PTPRK: variants seen among roughly 807,000 people sequenced by gnomAD.
PTPRK encodes protein tyrosine phosphatase receptor type K.
A neutral mutation model predicts 178.0 loss-of-function variants in PTPRK; 75 were observed. The ratio of observed to expected loss-of-function variants is 0.42; its 90% CI spans 0.35 to 0.51. The LOEUF is 0.51. Among genes scored for constraint, PTPRK ranks in the 20% least tolerant of loss-of-function variants. PTPRK has a pLI of 0.02. For missense variants in PTPRK, 1,441 were observed against 1,797.8 expected (o/e 0.80, Z 3.59); for synonymous variants, 637 against 620.6 (o/e 1.03, Z -0.39).
chr6:128,148,635 G>T (rs1796830563), intron 7 of PTPRK, among the ~76,000 whole-genome samples: 1 of 152,050 alleles, frequency 6.6e-6, no homozygotes, highest in African/African-American at 2.4e-5. Context: ...TTCCTTAACA[G>T]GTTACAGATA....
chr6:128,145,794 C>G (rs1319795687), intron 7 of PTPRK, among the ~76,000 whole-genome samples: 1 of 152,258 alleles, frequency 6.6e-6, no homozygotes, highest in East Asian at 1.9e-4. Flanking sequence ...ACGTATCTTA[C>G]AGTTAGCATA....
At chr6:128,046,359 A>G (rs1408729524) in intron 13 of PTPRK, among the ~76,000 whole-genome samples, 1 of 152,098 alleles carries the variant, frequency 6.6e-6, no homozygotes, top group African/African-American at 2.4e-5. Context: ...AAGAGTGCTC[A>G]GGCACTCAGA....
intron 6 of PTPRK, among the ~76,000 whole-genome samples, chr6:128,209,764 G>A (rs75482044): frequency 0.033 from 5,027 of 152,172 alleles, 289 homozygotes; most frequent in African/African-American, 0.11. Context: ...AAGGAGCAGG[G>A]TGATTAGAAA....
chr6:128,395,077 T>A (rs1230325425), intron 2 of PTPRK, among the ~76,000 whole-genome samples: 1 of 152,148 alleles, frequency 6.6e-6, no homozygotes, highest in African/African-American at 2.4e-5. Flanking sequence ...AATAAAAAGA[T>A]CATAACATTT....
intron 7 of PTPRK, among the ~76,000 whole-genome samples, chr6:128,118,264 C>T (rs1016583818): frequency 1.3e-5 from 2 of 152,198 alleles, no homozygotes; most frequent in African/African-American, 4.8e-5. Flanking sequence ...TCACCGTGGA[C>T]TTACATGGTG....
intron 21 of PTPRK, among the ~76,000 whole-genome samples, chr6:127,988,287 T>C (rs1363587768): frequency 2.7e-5 from 4 of 148,044 alleles, no homozygotes; most frequent in Admixed American, 2.0e-4. Context: ...TCTGTTATCA[T>C]CATTATGCTA....
Position 127,995,354 on chromosome 6 carries a change from T to G in PTPRK, c.2844+108A>C, listed in dbSNP as rs569362384. On this transcript the variant is annotated intron_variant, in intron 18 of 29. Coordinates refer to ENST00000368226, the MANE Select transcript of PTPRK (RefSeq NM_002844.4). ...GCAGAACAAGGAAAAGTGTACAGTT[T>G]GTACTTTTATATTTTAAAAAGCTAG... 1.6e-5 allele frequency: 25 copies of G among 1,532,960 alleles called. No homozygotes were observed. In the South Asian group the frequency reaches 2.4e-4, roughly 15 times the overall value. The allele number at this position is 1,532,960 out of a possible 1,614,324, so 95.0% of individuals were successfully genotyped here.
In PTPRK at chr6:128,519,163, G is replaced by A. The variant is rs1166388747; in HGVS notation, c.100+1096C>T. 2 of 483,364 alleles carry A rather than the reference G, an allele frequency of 4.1e-6. No individual in the cohort carries two copies. The highest frequency in any genetic ancestry group is 2.0e-5 in the African/African-American group (1 of 50,596). The allele number at this position is 483,364 out of a possible 1,614,324, so 29.9% of individuals were successfully genotyped here. ...GAAGCTGGGTAGGTTGGCCAGAAAAGTTGTCAGGACTGGCGGGAGGTAGAC... is the reference window on the plus strand; with the variant it reads ...GAAGCTGGGTAGGTTGGCCAGAAAAATTGTCAGGACTGGCGGGAGGTAGAC... On this transcript the variant is annotated intron_variant, in intron 1 of 29. Coordinates refer to ENST00000368226, the MANE Select transcript of PTPRK (RefSeq NM_002844.4). This position sits in a 1 kb window ranked among gnomAD's most constrained non-coding sequence, Gnocchi z 4.3.
At chr6:127,973,252 T>G in intron 28 of PTPRK, 95 bp from the exon 29 acceptor site, 1 of 1,538,570 alleles carries the variant, frequency 6.5e-7, no homozygotes, top group Non-Finnish European at 8.8e-7. Context: ...GACATTGTAG[T>G]TTTAATTGTT....
chr6:128,222,761 A>G lies in PTPRK; in HGVS notation c.694-3665T>C, dbSNP rs140529188. ...ACTTTCTATTGTTTATGCATTGCCA[A>G]TATTGAATTTGCACTATCTTATCAA... On this transcript the variant is annotated intron_variant, in intron 5 of 29. Coordinates refer to ENST00000368226, the MANE Select transcript of PTPRK (RefSeq NM_002844.4). Among the ~76,000 whole-genome samples, 6 of 152,330 alleles carry G rather than the reference A, an allele frequency of 3.9e-5. No individual in the cohort carries two copies. In the East Asian group the frequency reaches 5.8e-4, roughly 15 times the overall value.
intron 11 of PTPRK, among the ~76,000 whole-genome samples, chr6:128,069,910 G>A (rs887118741): frequency 6.6e-6 from 1 of 152,038 alleles, no homozygotes; most frequent in African/African-American, 2.4e-5. Flanking sequence ...AGGCTCTTTG[G>A]GAAAGAGCCT....
intron 7 of PTPRK, among the ~76,000 whole-genome samples, chr6:128,123,316 T>C (rs902715438): frequency 6.6e-6 from 1 of 152,262 alleles, no homozygotes; most frequent in African/African-American, 2.4e-5. Flanking sequence ...AGAACTTTGA[T>C]AGAACAAGCT....
intron 7 of PTPRK, among the ~76,000 whole-genome samples, chr6:128,091,447 A>G (rs1023623398): frequency 5.3e-5 from 8 of 152,178 alleles, no homozygotes; most frequent in Non-Finnish European, 1.0e-4. Flanking sequence ...ATGACTGCCC[A>G]CCAGCTAACC....
chr6:128,435,489 G>C (rs73589582), intron 1 of PTPRK, among the ~76,000 whole-genome samples: 4,056 of 152,092 alleles, frequency 0.027, 163 homozygotes, highest in African/African-American at 0.093. Flanking sequence ...AACATAACTA[G>C]CCAGTGGTTT....
chr6:128,267,138 A>T (rs1819085922), intron 3 of PTPRK, among the ~76,000 whole-genome samples: 2 of 152,104 alleles, frequency 1.3e-5, no homozygotes, highest in South Asian at 4.1e-4. Context: ...CTGGGTGTGC[A>T]TCAGTGATGA....
At chr6:128,179,187 C>T (rs886548086) in intron 7 of PTPRK, among the ~76,000 whole-genome samples, 3 of 151,922 alleles carry the variant, frequency 2.0e-5, no homozygotes, top group African/African-American at 7.2e-5. Context: ...GTTTATAGGT[C>T]TGGTCCCTAG....
chr6:128,308,795 T>A (rs1676392066), intron 3 of PTPRK, among the ~76,000 whole-genome samples: 1 of 152,236 alleles, frequency 6.6e-6, no homozygotes, highest in South Asian at 2.1e-4. Context: ...AGTTTTTCAC[T>A]GTCCTTCTGT....
At chr6:128,231,371 C>T (rs1812271523) in intron 5 of PTPRK, among the ~76,000 whole-genome samples, 1 of 152,174 alleles carries the variant, frequency 6.6e-6, no homozygotes, top group Non-Finnish European at 1.5e-5. Flanking sequence ...AAAATCACTA[C>T]TGCTTAGACA....
chr6:128,488,482 C>T (rs766123407), intron 1 of PTPRK, among the ~76,000 whole-genome samples: 6 of 152,148 alleles, frequency 3.9e-5, no homozygotes, highest in Non-Finnish European at 8.8e-5. Context: ...AATCTGGATG[C>T]TGTTATCAGA....
Sources: allele counts gnomAD v4.1 joint callset (sites outside exome capture counted in the v4.1 genomes callset), GRCh38; gene constraint gnomAD v4.1.1; non-coding constraint Gnocchi (gnomAD v3.1); transcripts MANE v1.5; gene names NCBI Gene and HGNC (gene_info 2026-07-23, HGNC 2026-07-21).